PDE1A: variants seen among roughly 807,000 people sequenced by gnomAD.
PDE1A encodes the protein phosphodiesterase 1A, also known as dual specificity calcium/calmodulin-dependent 3',5'-cyclic nucleotide phosphodiesterase 1A.
A neutral mutation model predicts 61.7 loss-of-function variants in PDE1A; 35 were observed. The observed-to-expected ratio is 0.57, with a 90% CI of 0.43 to 0.75. The LOEUF (loss-of-function observed/expected upper bound fraction) is 0.75. PDE1A is among the 30% of genes least tolerant of loss of function. The pLI, the probability that PDE1A is intolerant of heterozygous loss-of-function variation, is 0.00. For missense variants in PDE1A, 597 were observed against 630.6 expected (o/e 0.95, Z 0.57); for synonymous variants, 232 against 213.2 (o/e 1.09, Z -0.77).
At position 182,408,240 on chromosome 2, in the gene PDE1A, C is replaced by T. The variant is rs1224708829; in HGVS notation, c.53+18338G>A. Among the ~76,000 whole-genome samples, 3 of 149,396 alleles carry T rather than the reference C, an allele frequency of 2.0e-5. No individual in the cohort carries two copies. The East Asian group carries it at 5.9e-4, about 29-fold the overall frequency. On this transcript the variant is annotated intron_variant, in intron 1 of 13. Transcript: ENST00000351439. ...ATCCCTCCCACCTTTTATTTTCCCA[C>T]ACTATTACTCCAAGCTATTTGGAAA...
chr2:182,526,129 TA>T (rs1346401128), upstream of PDE1A, among the ~76,000 whole-genome samples: 2 of 152,134 alleles, frequency 1.3e-5, no homozygotes, highest in African/African-American at 2.4e-5. Flanking sequence ...TTATTGATAA[TA>T]AAAGTACATT....
chr2:182,347,626 A>G (rs1303817194), intron 1 of PDE1A, among the ~76,000 whole-genome samples: 2 of 152,140 alleles, frequency 1.3e-5, no homozygotes, highest in Non-Finnish European at 2.9e-5. Context: ...TCTCCAATGC[A>G]TATCAATTGC....
At chr2:182,588,151 A>G in the PDE1A span, among the ~76,000 whole-genome samples, 6 of 152,198 alleles carry the variant, frequency 3.9e-5, no homozygotes, top group Non-Finnish European at 8.8e-5. Context: ...TCTATTTGCA[A>G]GTAAGTAAGT....
At chr2:182,283,845 A>C (rs1305194628) in intron 1 of PDE1A, among the ~76,000 whole-genome samples, 1 of 152,136 alleles carries the variant, frequency 6.6e-6, no homozygotes, top group African/African-American at 2.4e-5. Context: ...ACTCTATGAA[A>C]AGCGTCATGG....
At chr2:182,618,415 T>C in the PDE1A span, among the ~76,000 whole-genome samples, 1 of 152,152 alleles carries the variant, frequency 6.6e-6, no homozygotes, top group African/African-American at 2.4e-5. Context: ...AATTTACCCT[T>C]AGGATGAACT....
At chr2:182,679,040 T>C in the PDE1A span, among the ~76,000 whole-genome samples, 5 of 145,650 alleles carry the variant, frequency 3.4e-5, no homozygotes, top group Non-Finnish European at 6.0e-5. Context: ...AGTCTCACTC[T>C]GTCACCTAGA....
chr2:182,361,124 C>A (rs1699479024), intron 1 of PDE1A, among the ~76,000 whole-genome samples: 1 of 152,034 alleles, frequency 6.6e-6, no homozygotes, highest in South Asian at 2.1e-4. Context: ...CAAGTACTTA[C>A]AATTAGTGAG....
At chr2:182,420,322 T>G (rs1420831049) in intron 1 of PDE1A, among the ~76,000 whole-genome samples, 4 of 152,112 alleles carry the variant, frequency 2.6e-5, no homozygotes, top group Non-Finnish European at 5.9e-5. Context: ...TATCCCTATT[T>G]TCATCCAAAT....
chr2:182,172,030 A>T (rs146045711), intron 13 of PDE1A, among the ~76,000 whole-genome samples: 18 of 152,158 alleles, frequency 1.2e-4, no homozygotes. Flanking sequence ...GGTATCAGAA[A>T]GCATAGCAAA....
At chr2:182,197,286 T>C (rs1421300024) in intron 10 of PDE1A, among the ~76,000 whole-genome samples, 1 of 151,874 alleles carries the variant, frequency 6.6e-6, no homozygotes, top group Non-Finnish European at 1.5e-5. Flanking sequence ...GTTGGAGTTC[T>C]ATATGCAATT....
chr2:182,563,526 T>C, the PDE1A span, among the ~76,000 whole-genome samples: 19 of 152,330 alleles, frequency 1.2e-4, no homozygotes, highest in African/African-American at 4.3e-4. Context: ...AAAAAATGTA[T>C]ATTCTGTTGA....
intron 4 of PDE1A, among the ~76,000 whole-genome samples, chr2:182,232,795 G>T (rs538532542): frequency 6.6e-6 from 1 of 152,150 alleles, no homozygotes; most frequent in African/African-American, 2.4e-5. Flanking sequence ...CTCTTAGAAG[G>T]TTGCTATTTA....
chr2:182,708,419 T>C, the PDE1A span, among the ~76,000 whole-genome samples: 1 of 152,114 alleles, frequency 6.6e-6, no homozygotes. Flanking sequence ...ATATTTCAGT[T>C]AACTAATTTT....
chr2:182,175,048 T>C (rs1303418903), intron 13 of PDE1A, among the ~76,000 whole-genome samples: 1 of 152,166 alleles, frequency 6.6e-6, no homozygotes, highest in Non-Finnish European at 1.5e-5. Flanking sequence ...TCCAGCTTCA[T>C]CCATGTCCCT....
chr2:182,388,961 C>T (rs1337633366), intron 1 of PDE1A, among the ~76,000 whole-genome samples: 1 of 151,976 alleles, frequency 6.6e-6, no homozygotes, highest in African/African-American at 2.4e-5. Context: ...GACATTACAA[C>T]TGATAAAGCA....
chr2:182,396,963 A>G (rs567806168), intron 1 of PDE1A, among the ~76,000 whole-genome samples: 38 of 152,306 alleles, frequency 2.5e-4, no homozygotes, highest in African/African-American at 8.7e-4. Context: ...AAGAAACAAC[A>G]TAGCACAAAT....
chr2:182,303,610 C>A (rs1438929666), intron 1 of PDE1A, among the ~76,000 whole-genome samples: 1 of 152,128 alleles, frequency 6.6e-6, no homozygotes, highest in Non-Finnish European at 1.5e-5. Context: ...TTAAAGTCAC[C>A]AGCTGCATTA....
At chr2:182,689,633 G>A in the PDE1A span, among the ~76,000 whole-genome samples, 1 of 152,110 alleles carries the variant, frequency 6.6e-6, no homozygotes, top group Non-Finnish European at 1.5e-5. Context: ...AGAAGCAAGA[G>A]CAAACACATT....
chr2:182,240,148 G>T, exon 3 of PDE1A: 1 of 1,613,858 alleles, frequency 6.2e-7, no homozygotes, highest in Non-Finnish European at 8.5e-7. Flanking sequence ...CATGCACAAT[G>T]CTCCGAAATT....
Sources: allele counts gnomAD v4.1 joint callset (sites outside exome capture counted in the v4.1 genomes callset), GRCh38; gene constraint gnomAD v4.1.1; transcripts MANE v1.5; gene names NCBI Gene and HGNC (gene_info 2026-07-23, HGNC 2026-07-21).